TINAG: variants seen among roughly 807,000 people sequenced by gnomAD.
TINAG encodes the protein tubulointerstitial nephritis antigen.
TINAG carries 83 observed loss-of-function variants against 72.7 expected under a neutral mutation model. The ratio of observed to expected loss-of-function variants is 1.14; its 90% CI spans 0.96 to 1.37. The LOEUF (loss-of-function observed/expected upper bound fraction) is 1.37, where lower values mean the gene tolerates loss of function less well. Ranked by LOEUF, TINAG falls within the 40% of genes most tolerant of loss-of-function variation. The probability of loss-of-function intolerance (pLI) is 0.00; values close to 1 mark genes in which losing one functional copy is unlikely to be tolerated. For missense variants in TINAG, 685 were observed against 576.6 expected, an observed-to-expected ratio of 1.19 and a Z score of -1.93; for synonymous variants, 234 against 189.9, an observed-to-expected ratio of 1.23 and a Z score of -1.91.
At chr6:54,362,627 C>T (rs1359448957) in intron 9 of TINAG, among the ~76,000 whole-genome samples, 1 of 151,590 alleles carries the variant, frequency 6.6e-6, no homozygotes, top group Non-Finnish European at 1.5e-5. Context: ...GAGGTAATTT[C>T]TACTTTCAAG....
At chr6:54,355,852 A>AGAAGGAAG (rs201832646) in intron 9 of TINAG, among the ~76,000 whole-genome samples, 1 of 151,604 alleles carries the variant, frequency 6.6e-6, no homozygotes, top group African/African-American at 2.4e-5. Context: ...AAAGAAAGAA[A>AGAAGGAAG]GAAGGAAGGA....
chr6:54,338,755 T>G (rs1351718752), intron 4 of TINAG, among the ~76,000 whole-genome samples: 1 of 150,458 alleles, frequency 6.6e-6, no homozygotes, highest in Non-Finnish European at 1.5e-5. Context: ...ACTAGTTCAT[T>G]GATCTGCTTC....
At chr6:54,350,782 CAATGGATCT>C (rs928320001) in intron 7 of TINAG, among the ~76,000 whole-genome samples, 2 of 151,256 alleles carry the variant, frequency 1.3e-5, no homozygotes, top group Non-Finnish European at 2.9e-5. Context: ...CTTGTCTCTA[CAATGGATCT>C]TATTAAATAA....
At chr6:54,361,784 G>A (rs1014831472) in intron 9 of TINAG, among the ~76,000 whole-genome samples, 3 of 151,682 alleles carry the variant, frequency 2.0e-5, no homozygotes, top group South Asian at 4.1e-4. Flanking sequence ...AAACCTTGAA[G>A]GAAGTTAAAA....
In TINAG at chr6:54,341,008, T is replaced by C. The variant is rs1220923892; in HGVS notation, c.625-2218T>C. On this transcript the variant is annotated intron_variant, in intron 4 of 10. Transcript: ENST00000259782. Reference sequence around the variant, plus strand: ...ATAGGCTTTCAAATGTGGAGGTCAATTTCTAAATAACCCAACCCTGCTGAA... The same window carrying C: ...ATAGGCTTTCAAATGTGGAGGTCAACTTCTAAATAACCCAACCCTGCTGAA... Among the ~76,000 whole-genome samples, 3 of 152,142 alleles carry C rather than the reference T, an allele frequency of 2.0e-5. No individual in the cohort carries two copies. The East Asian group carries it at 5.8e-4, about 29-fold the overall frequency.
At chr6:54,310,845 C>A (rs1377231721) in intron 1 of TINAG, among the ~76,000 whole-genome samples, 1 of 145,236 alleles carries the variant, frequency 6.9e-6, no homozygotes, top group Non-Finnish European at 1.5e-5. Flanking sequence ...TTTTCTCTCT[C>A]TCTTTCTCTC....
chr6:54,385,122 A>G (rs576334486), intron 10 of TINAG, among the ~76,000 whole-genome samples: 1 of 152,260 alleles, frequency 6.6e-6, no homozygotes, highest in South Asian at 2.1e-4. Flanking sequence ...AAGCTGAAAA[A>G]TTTAAACCGA....
intron 10 of TINAG, among the ~76,000 whole-genome samples, chr6:54,385,638 C>A (rs763801089): frequency 2.6e-5 from 4 of 151,968 alleles, no homozygotes; most frequent in Non-Finnish European, 4.4e-5. Context: ...CTTCCAAACT[C>A]ATTTTATGAA....
intron 9 of TINAG, among the ~76,000 whole-genome samples, chr6:54,371,034 CATT>C (rs1412781341): frequency 1.3e-5 from 2 of 151,990 alleles, no homozygotes; most frequent in Non-Finnish European, 2.9e-5. Flanking sequence ...CAGGCAAAGA[CATT>C]GTAGGAATGT....
At chr6:54,319,328 CA>C (rs1319562024) in intron 1 of TINAG, among the ~76,000 whole-genome samples, 1 of 152,042 alleles carries the variant, frequency 6.6e-6, no homozygotes, top group Non-Finnish European at 1.5e-5. Flanking sequence ...ACTGTGGATT[CA>C]GTTATGAAAG....
At chr6:54,308,992 T>C in intron 1 of TINAG, 87 bp downstream of exon 1, 2 of 1,135,898 alleles carry the variant, frequency 1.8e-6, no homozygotes, top group South Asian at 3.1e-5. Context: ...CTTTCTTTTT[T>C]TCCTTCTTTC....
At chr6:54,328,815 T>G (rs916493131) in intron 4 of TINAG, among the ~76,000 whole-genome samples, 1 of 151,464 alleles carries the variant, frequency 6.6e-6, no homozygotes, top group Admixed American at 6.6e-5. Context: ...ACACAAGAAC[T>G]TCATGAAGCA....
intron 1 of TINAG, among the ~76,000 whole-genome samples, chr6:54,309,285 A>G (rs1582687054): frequency 6.6e-6 from 1 of 152,158 alleles, no homozygotes; most frequent in Non-Finnish European, 1.5e-5. Flanking sequence ...GAGAGTCTCA[A>G]GAAAGTCGCA....
intron 9 of TINAG, among the ~76,000 whole-genome samples, chr6:54,357,096 C>G (rs188194873): frequency 1.4e-4 from 21 of 152,058 alleles, no homozygotes; most frequent in African/African-American, 4.8e-4. Context: ...ACAAAAATAG[C>G]TATTTCAAGG....
chr6:54,384,857 T>C (rs1362928098), intron 10 of TINAG, among the ~76,000 whole-genome samples: 1 of 152,172 alleles, frequency 6.6e-6, no homozygotes, highest in Non-Finnish European at 1.5e-5. Context: ...ATTCATAGGA[T>C]ATTACACATA....
intron 9 of TINAG, among the ~76,000 whole-genome samples, chr6:54,367,365 T>C (rs1238130643): frequency 6.6e-6 from 1 of 151,790 alleles, no homozygotes; most frequent in Non-Finnish European, 1.5e-5. Flanking sequence ...AAAGGAATGT[T>C]TTCCTGATGC....
chr6:54,336,642 T>A (rs1184510023), intron 4 of TINAG, among the ~76,000 whole-genome samples: 1 of 152,206 alleles, frequency 6.6e-6, no homozygotes, highest in East Asian at 1.9e-4. Flanking sequence ...TTCATTTGTA[T>A]GCTTGGCTCC....
intron 4 of TINAG, among the ~76,000 whole-genome samples, chr6:54,341,232 A>T (rs1308859944): frequency 6.6e-6 from 1 of 152,190 alleles, no homozygotes; most frequent in Non-Finnish European, 1.5e-5. Context: ...ATTGAAGGGT[A>T]TGAGTTTTAA....
chr6:54,343,246 T>C lies in TINAG; in HGVS notation c.645T>C (p.Thr215=). ...NEMTASLPAT[T]DLPEFFVASY... is the part of the protein sequence containing the mutation. Reference sequence around the variant, plus strand: ...TTTAGGCTTCTTTACCTGCAACAACTGATCTTCCAGAGTTTTTTGTTGCTT... The same window carrying C: ...TTTAGGCTTCTTTACCTGCAACAACCGATCTTCCAGAGTTTTTTGTTGCTT... The change falls in exon 5 of 11, where the codon ACT becomes ACC. Residue 215 remains threonine (T), a synonymous_variant. Coordinates refer to ENST00000259782, the MANE Select transcript of TINAG (RefSeq NM_014464.4). 6.4e-7 allele frequency: 1 copy of C among 1,574,430 alleles called. No homozygotes were observed. Among genetic ancestry groups the C allele is most frequent in the East Asian group, 2.3e-5 (1 of 43,212 alleles).
Sources: gnomAD v4.1 joint callset for allele counts (sites outside exome capture counted in the v4.1 genomes callset) on GRCh38, gnomAD v4.1.1 for gene constraint, MANE v1.5 for transcripts, NCBI Gene and HGNC (gene_info 2026-07-23, HGNC 2026-07-21) for gene names.